Variants in RFX4 observed in about 807,000 individuals in gnomAD.
The protein encoded by RFX4 is regulatory factor X4, also known as transcription factor RFX4.
A neutral mutation model predicts 95.0 loss-of-function variants in RFX4; 10 were observed. The ratio of observed to expected loss-of-function variants is 0.11; its 90% CI spans 0.06 to 0.18. The LOEUF (loss-of-function observed/expected upper bound fraction) is 0.18, where lower values mean the gene tolerates loss of function less well. RFX4 is among the 10% of genes least tolerant of loss of function. The pLI is 1.00. For synonymous variants in RFX4, 321 were observed against 340.7 expected (o/e 0.94, Z 0.64); for missense variants, 640 against 922.0 (o/e 0.69, Z 3.96).
At chr12:106,639,531 G>A in intron 3 of RFX4, 139 bp downstream of exon 3, 1 of 791,904 alleles carries the variant, frequency 1.3e-6, no homozygotes, top group East Asian at 2.7e-5. Flanking sequence ...TTAATTTGCA[G>A]TATATGTAAA....
At chr12:106,684,407 T>A (rs2041596887) in intron 5 of RFX4, among the ~76,000 whole-genome samples, 2 of 152,122 alleles carry the variant, frequency 1.3e-5, no homozygotes, top group Non-Finnish European at 2.9e-5. Flanking sequence ...TGCCTTTTTT[T>A]AGAAGAAATT....
chr12:106,663,236 C>T (rs561766407), intron 4 of RFX4, among the ~76,000 whole-genome samples: 6 of 152,052 alleles, frequency 3.9e-5, no homozygotes, highest in South Asian at 4.1e-4. Flanking sequence ...TTTAGTTCAT[C>T]AGAATTTTGT....
intron 7 of RFX4, among the ~76,000 whole-genome samples, chr12:106,690,758 C>G (rs141635003): frequency 6.6e-6 from 1 of 152,146 alleles, no homozygotes; most frequent in African/African-American, 2.4e-5. Flanking sequence ...GAGCTGGTCC[C>G]ACGGCCCCAC....
intron 3 of RFX4, among the ~76,000 whole-genome samples, chr12:106,643,102 C>G (rs1302965072): frequency 6.6e-6 from 1 of 152,186 alleles, no homozygotes; most frequent in Non-Finnish European, 1.5e-5. Context: ...ATCCCCCAAC[C>G]CCATTGTCCA....
At chr12:106,670,720 T>G (rs560392137) in intron 4 of RFX4, among the ~76,000 whole-genome samples, 97 of 152,154 alleles carry the variant, frequency 6.4e-4, no homozygotes, top group Non-Finnish European at 1.2e-3. Context: ...GTTACATCAG[T>G]ATAGTAAAAT....
chr12:106,657,301 G>T (rs182107775), intron 4 of RFX4, among the ~76,000 whole-genome samples: 1 of 152,284 alleles, frequency 6.6e-6, no homozygotes, highest in East Asian at 1.9e-4. Flanking sequence ...AAATACATTG[G>T]TAGTAGTCTC....
At chr12:106,628,860 A>C (rs4964474) in intron 2 of RFX4, among the ~76,000 whole-genome samples, 25,195 of 151,036 alleles carry the variant, frequency 0.17, 2,322 homozygotes, top group African/African-American at 0.25. Context: ...CTGAGGTTCA[A>C]GTGATTCTCC....
chr12:106,687,549 CAA>C (rs34562413), intron 6 of RFX4, among the ~76,000 whole-genome samples: 216 of 73,838 alleles, frequency 2.9e-3, no homozygotes, highest in African/African-American at 7.0e-3. Context: ...AACTCCATCT[CAA>C]AAAAAAAAAA....
chr12:106,685,028 T>G, intron 5 of RFX4: 1 of 1,533,416 alleles, frequency 6.5e-7, no homozygotes, highest in Non-Finnish European at 8.8e-7. Context: ...TTTTGTGACT[T>G]TCATTGTATC....
At chr12:106,618,027 G>C (rs2040108396) in intron 2 of RFX4, among the ~76,000 whole-genome samples, 1 of 152,054 alleles carries the variant, frequency 6.6e-6, no homozygotes, top group East Asian at 1.9e-4. Context: ...ACGCCCAGCT[G>C]AATGTATATT....
At chr12:106,666,379 G>T (rs2041176835) in intron 4 of RFX4, among the ~76,000 whole-genome samples, 1 of 151,884 alleles carries the variant, frequency 6.6e-6, no homozygotes, top group Admixed American at 6.6e-5. Context: ...CTGTGGTTTG[G>T]CTTTTTGTTG....
At chr12:106,712,026 T>C (rs968316235) in intron 10 of RFX4, among the ~76,000 whole-genome samples, 9 of 152,246 alleles carry the variant, frequency 5.9e-5, no homozygotes, top group African/African-American at 2.2e-4. Context: ...TCTGTAGTTA[T>C]AGCTTGATGG....
At chr12:106,634,809 T>G (rs1475963661) in intron 2 of RFX4, among the ~76,000 whole-genome samples, 1 of 152,202 alleles carries the variant, frequency 6.6e-6, no homozygotes, top group Non-Finnish European at 1.5e-5. Flanking sequence ...GGGAGTCTTC[T>G]CTGACAAGCT....
intron 7 of RFX4, among the ~76,000 whole-genome samples, chr12:106,691,234 AAGG>A (rs1397843458): frequency 1.3e-5 from 2 of 152,246 alleles, no homozygotes; most frequent in East Asian, 3.9e-4. Flanking sequence ...GTGTTACTAG[AAGG>A]AGGAGATAAG....
intron 3 of RFX4, among the ~76,000 whole-genome samples, chr12:106,652,991 CA>C (rs2040884405): frequency 6.6e-6 from 1 of 152,150 alleles, no homozygotes; most frequent in Admixed American, 6.5e-5. Context: ...AACTTGCTTC[CA>C]AATAACTTTG....
chr12:106,748,783 C>T (rs2042942130), intron 16 of RFX4, among the ~76,000 whole-genome samples: 1 of 150,714 alleles, frequency 6.6e-6, no homozygotes, highest in East Asian at 2.0e-4. Context: ...ACCCCATCTC[C>T]CTACTAAAAA....
intron 3 of RFX4, among the ~76,000 whole-genome samples, chr12:106,653,952 G>A (rs761319915): frequency 3.9e-5 from 6 of 152,148 alleles, no homozygotes; most frequent in Non-Finnish European, 8.8e-5. Context: ...AACAAGGCCA[G>A]GTCAATGACA....
At chr12:106,724,574 G>A (rs1203601662) in intron 13 of RFX4, among the ~76,000 whole-genome samples, 2 of 152,184 alleles carry the variant, frequency 1.3e-5, no homozygotes, top group African/African-American at 4.8e-5. Context: ...GATGCCAGAA[G>A]ACAATGGAGT....
chr12:106,738,723 A>AG (rs2042755488), intron 15 of RFX4, among the ~76,000 whole-genome samples: 2 of 152,012 alleles, frequency 1.3e-5, no homozygotes, highest in Admixed American at 6.6e-5. Flanking sequence ...CCATTGCTAA[A>AG]TTAGACTGGA....
Sources: gnomAD v4.1 joint callset for allele counts (sites outside exome capture counted in the v4.1 genomes callset) on GRCh38, gnomAD v4.1.1 for gene constraint, MANE v1.5 for transcripts, NCBI Gene and HGNC (gene_info 2026-07-23, HGNC 2026-07-21) for gene names.